The following NPSR1 variants were observed in gnomAD, a reference collection of about 807,000 sequenced individuals.
NPSR1 encodes the protein neuropeptide S receptor.
Under a neutral mutation model 46.9 loss-of-function variants are expected in NPSR1, and 48 were observed. The observed-to-expected ratio is 1.02, with a 90% CI of 0.81 to 1.30. The LOEUF (loss-of-function observed/expected upper bound fraction) is 1.30, where lower values mean the gene tolerates loss of function less well. Ranked by LOEUF, NPSR1 falls within the 50% of genes most tolerant of loss-of-function variation. NPSR1 has a pLI of 0.00. For missense variants in NPSR1, 450 were observed against 449.5 expected, an observed-to-expected ratio of 1.00 and a Z score of -0.01; for synonymous variants, 176 against 168.1, an observed-to-expected ratio of 1.05 and a Z score of -0.36.
intron 2 of NPSR1, among the ~76,000 whole-genome samples, chr7:34,756,425 A>G (rs1785852121): frequency 6.6e-6 from 1 of 152,210 alleles, no homozygotes; most frequent in African/African-American, 2.4e-5. Flanking sequence ...GAATAATGGA[A>G]AGAGCAGGGG....
At chr7:34,759,387 T>C (rs1786043084) in intron 2 of NPSR1, among the ~76,000 whole-genome samples, 1 of 152,204 alleles carries the variant, frequency 6.6e-6, no homozygotes, top group South Asian at 2.1e-4. Flanking sequence ...CATCATAGGT[T>C]CTTCTTTTAT....
chr7:34,825,074 CT>C (rs1789756291), intron 4 of NPSR1, among the ~76,000 whole-genome samples: 1 of 152,186 alleles, frequency 6.6e-6, no homozygotes, highest in African/African-American at 2.4e-5. Flanking sequence ...CTTAAGACAT[CT>C]CAAGAGGATG....
chr7:34,702,506 A>C (rs1204291509), intron 2 of NPSR1, among the ~76,000 whole-genome samples: 1 of 152,198 alleles, frequency 6.6e-6, no homozygotes, highest in Non-Finnish European at 1.5e-5. Flanking sequence ...TTAGACAACA[A>C]ATCTCTTTTT....
chr7:34,675,597 G>A (rs1240409603), intron 1 of NPSR1, among the ~76,000 whole-genome samples: 2 of 152,224 alleles, frequency 1.3e-5, no homozygotes. Context: ...GCCAGGGGTG[G>A]AGTTGTGACC....
intron 4 of NPSR1, among the ~76,000 whole-genome samples, chr7:34,818,078 C>T (rs1160107152): frequency 2.0e-5 from 3 of 150,128 alleles, no homozygotes; most frequent in African/African-American, 4.8e-5. Flanking sequence ...GGCAATCAGG[C>T]AAAAGGAAGC....
chr7:34,702,884 G>A (rs1793905422), intron 2 of NPSR1, among the ~76,000 whole-genome samples: 1 of 152,108 alleles, frequency 6.6e-6, no homozygotes, highest in South Asian at 2.1e-4. Flanking sequence ...AAATGTCGGG[G>A]GACAAATGCT....
At chr7:34,757,448 C>T (rs749183050) in intron 2 of NPSR1, among the ~76,000 whole-genome samples, 2 of 152,132 alleles carry the variant, frequency 1.3e-5, no homozygotes, top group African/African-American at 2.4e-5. Context: ...ATGCAGGTGT[C>T]GGCCAGTGTT....
intron 2 of NPSR1, among the ~76,000 whole-genome samples, chr7:34,754,868 A>G (rs1562704569): frequency 6.6e-6 from 1 of 152,228 alleles, no homozygotes; most frequent in Non-Finnish European, 1.5e-5. Flanking sequence ...CACATTTCAT[A>G]TAAATGGAAT....
At chr7:34,853,046 C>T (rs1326193818), downstream of NPSR1, among the ~76,000 whole-genome samples, 1 of 152,158 alleles carries the variant, frequency 6.6e-6, no homozygotes, top group East Asian at 1.9e-4. Context: ...AATGATAACA[C>T]CTTTTTAATG....
At chr7:34,746,225 T>C (rs1489406802) in intron 2 of NPSR1, among the ~76,000 whole-genome samples, 1 of 152,228 alleles carries the variant, frequency 6.6e-6, no homozygotes, top group Non-Finnish European at 1.5e-5. Flanking sequence ...AAAAAGATTG[T>C]AAGCAATGAA....
intron 2 of NPSR1, among the ~76,000 whole-genome samples, chr7:34,689,624 A>G (rs1348083143): frequency 7.8e-4 from 107 of 136,324 alleles, no homozygotes; most frequent in East Asian, 2.1e-3. Context: ...AAAAAAAAAA[A>G]AAAAAAAAAA....
At position 34,865,783 on chromosome 7, in the gene NPSR1, A is replaced by C. The variant is rs1267242834; in HGVS notation, c.1026-12293A>C. 3.3e-5 allele frequency among the ~76,000 whole-genome samples: 5 copies of C among 151,794 alleles called. No individual in the cohort carries two copies. In the East Asian group the frequency reaches 9.7e-4, roughly 29 times the overall value. On this transcript the variant is annotated intron_variant, in intron 8 of 8. Coordinates refer to the NPSR1 transcript ENST00000359791. ...AAGCTTGGGTGAGAGTTAAAGGAGA[A>C]ACAGCCCTTCTTGACCTCTCTCCCC...
intron 1 of NPSR1, among the ~76,000 whole-genome samples, chr7:34,667,197 G>T (rs1272651988): frequency 6.6e-6 from 1 of 152,184 alleles, no homozygotes; most frequent in East Asian, 1.9e-4. Context: ...GACCTGGCAG[G>T]CAGGTGTGGA....
chr7:34,687,609 C>T (rs910596185), intron 2 of NPSR1, among the ~76,000 whole-genome samples: 3 of 152,120 alleles, frequency 2.0e-5, no homozygotes, highest in African/African-American at 2.4e-5. Flanking sequence ...ATAGGGAAAC[C>T]GCCCTCATGA....
intron 2 of NPSR1, among the ~76,000 whole-genome samples, chr7:34,772,113 C>G (rs1786714121): frequency 6.6e-6 from 1 of 152,108 alleles, no homozygotes; most frequent in Non-Finnish European, 1.5e-5. Context: ...TTCTTAAAGC[C>G]TTTTCAAACC....
At chr7:34,724,157 CTTTCTT>C (rs1277996985) in intron 2 of NPSR1, among the ~76,000 whole-genome samples, 1 of 152,184 alleles carries the variant, frequency 6.6e-6, no homozygotes, top group East Asian at 1.9e-4. Context: ...TTAATATTGA[CTTTCTT>C]TTTATTATCT....
At chr7:34,764,043 A>T (rs1786308666) in intron 2 of NPSR1, among the ~76,000 whole-genome samples, 1 of 152,186 alleles carries the variant, frequency 6.6e-6, no homozygotes, top group Non-Finnish European at 1.5e-5. Flanking sequence ...TCAACTGATT[A>T]CTCCAATTTA....
chr7:34,830,598 G>A (rs148816824), intron 5 of NPSR1, among the ~76,000 whole-genome samples: 3 of 151,646 alleles, frequency 2.0e-5, no homozygotes, highest in Non-Finnish European at 2.9e-5. Flanking sequence ...TTTTGCATAT[G>A]TTGCAAATAT....
chr7:34,792,725 A>ATGTATATATATATATT (rs1174651923), intron 3 of NPSR1, among the ~76,000 whole-genome samples: 23 of 110,756 alleles, frequency 2.1e-4, no homozygotes, highest in East Asian at 5.2e-4. Flanking sequence ...TTATATATAT[A>ATGTATATATATATATT]TATATATATT....
Sources: gnomAD v4.1 joint callset for allele counts (sites outside exome capture counted in the v4.1 genomes callset) on GRCh38, gnomAD v4.1.1 for gene constraint, MANE v1.5 for transcripts, NCBI Gene and HGNC (gene_info 2026-07-23, HGNC 2026-07-21) for gene names.